Variants in LNX2 observed in about 807,000 individuals in gnomAD.
The protein encoded by LNX2 is ligand of Numb protein X 2.
A neutral mutation model predicts 66.2 loss-of-function variants in LNX2; 35 were observed. The ratio of observed to expected loss-of-function variants is 0.53; its 90% CI spans 0.40 to 0.70. The LOEUF (loss-of-function observed/expected upper bound fraction) is 0.70, where lower values mean the gene tolerates loss of function less well. Ranked by LOEUF, LNX2 falls within the 30% of genes least tolerant of loss-of-function variation. The pLI, the probability that LNX2 is intolerant of heterozygous loss-of-function variation, is 0.00. For synonymous variants in LNX2, 337 were observed against 315.6 expected, an observed-to-expected ratio of 1.07 and a Z score of -0.72; for missense variants, 791 against 850.8, an observed-to-expected ratio of 0.93 and a Z score of 0.87.
intron 7 of LNX2, among the ~76,000 whole-genome samples, chr13:27,554,850 A>T (rs148273900): frequency 4.6e-5 from 7 of 152,328 alleles, no homozygotes; most frequent in African/African-American, 7.2e-5. Context: ...TCCCACCAGC[A>T]ATTAATGAGG....
intron 8 of LNX2, 35 bp downstream of exon 8, chr13:27,553,173 T>C (rs1955024287): frequency 6.4e-7 from 1 of 1,553,598 alleles, no homozygotes; most frequent in Non-Finnish European, 8.9e-7. Context: ...AGCATGATTA[T>C]GATTTCCATA....
chr13:27,587,153 C>A (rs1955496149), intron 1 of LNX2, among the ~76,000 whole-genome samples: 1 of 152,168 alleles, frequency 6.6e-6, no homozygotes. Context: ...GAAGGTTAGA[C>A]AGGAAGCATC....
chr13:27,554,356 C>T (rs764830948), intron 7 of LNX2, among the ~76,000 whole-genome samples: 1 of 152,194 alleles, frequency 6.6e-6, no homozygotes, highest in Admixed American at 6.5e-5. Context: ...ATCATCACTA[C>T]AGTAATTTTG....
intron 1 of LNX2, among the ~76,000 whole-genome samples, chr13:27,585,108 G>A (rs1394517167): frequency 1.4e-5 from 2 of 146,536 alleles, no homozygotes; most frequent in East Asian, 2.0e-4. Flanking sequence ...GTGACAGGGT[G>A]AGACTCGGTC....
chr13:27,597,265 A>C (rs1321483179), intron 1 of LNX2, among the ~76,000 whole-genome samples: 2 of 152,220 alleles, frequency 1.3e-5, no homozygotes, highest in African/African-American at 2.4e-5. Context: ...GGAGAGGCAG[A>C]CATCCAATAT....
At chr13:27,579,960 T>G (rs1462669956) in intron 2 of LNX2, among the ~76,000 whole-genome samples, 4 of 152,218 alleles carry the variant, frequency 2.6e-5, no homozygotes, top group African/African-American at 9.6e-5. Flanking sequence ...CTGTCTATCC[T>G]ACTCTATCTT....
chr13:27,614,908 T>A (rs1049727164), intron 1 of LNX2, among the ~76,000 whole-genome samples: 6 of 152,150 alleles, frequency 3.9e-5, no homozygotes, highest in Admixed American at 2.6e-4. Context: ...CCTTGGAAAC[T>A]GAGAGGAAAT....
chr13:27,576,456 C>T (rs1955340976), intron 2 of LNX2, among the ~76,000 whole-genome samples: 1 of 152,078 alleles, frequency 6.6e-6, no homozygotes, highest in South Asian at 2.1e-4. Flanking sequence ...GTGGCTCACG[C>T]CTGTAATCCT....
At chr13:27,578,021 T>C (rs1267341481) in intron 2 of LNX2, among the ~76,000 whole-genome samples, 1 of 151,832 alleles carries the variant, frequency 6.6e-6, no homozygotes, top group Admixed American at 6.5e-5. Context: ...AAATTCTTCA[T>C]TTCACTAATA....
Position 27,593,734 on chromosome 13 carries a change from T to G in LNX2, c.-100-11931A>C, listed in dbSNP as rs539084978. On this transcript the variant is annotated intron_variant, in intron 1 of 9. Transcript: ENST00000316334. ...AGGCGCCCACCACCACGCCTGGTTT[T>G]TGTGTGTGTGTGTGTGTGTGTTCTT... Among the ~76,000 whole-genome samples, 195 of 143,928 alleles carry G rather than the reference T, an allele frequency of 1.4e-3. 1 individual carries two copies. Among genetic ancestry groups the G allele is most frequent in the African/African-American group, 4.3e-3 (165 of 38,388 alleles). 94.4% of individuals were successfully genotyped at this position (143,928 alleles called of 152,430 possible).
At position 27,590,111 on chromosome 13, in the gene LNX2, G is replaced by A. The variant is rs181986277; in HGVS notation, c.-100-8308C>T. Reference sequence around the variant, plus strand: ...ATTACAGGCGCCCACCACCACCCCCGGCTAATTTTTTTGTATTTTTAGTAG... The same window carrying A: ...ATTACAGGCGCCCACCACCACCCCCAGCTAATTTTTTTGTATTTTTAGTAG... On this transcript the variant is annotated intron_variant, in intron 1 of 9. Transcript: ENST00000316334. 1.4e-4 allele frequency among the ~76,000 whole-genome samples: 21 copies of A among 151,960 alleles called. No homozygotes were observed. The East Asian group carries it at 1.7e-3, about 13-fold the overall frequency.
Position 27,546,512 on chromosome 13 carries a change from G to A in LNX2, c.*1823C>T, listed in dbSNP as rs1236074459. On this transcript the variant is annotated 3_prime_UTR_variant, in exon 10 of 10. Coordinates refer to ENST00000316334, the MANE Select transcript of LNX2 (RefSeq NM_153371.4). ...TGTTGATCATACAGTGTAACTAAGG[G>A]GTTGAACAAGTCAGTAGCAATGATT... The A allele has an allele frequency of 6.6e-6, 1 of 152,118 alleles. No homozygotes were observed. The highest frequency in any genetic ancestry group is 1.5e-5 in the Non-Finnish European group (1 of 68,022). 9.4% of individuals were successfully genotyped at this position (152,118 alleles called of 1,614,324 possible). A position where few individuals can be genotyped will look rare whatever the true frequency, so the allele number is the denominator to read the frequency against.
At chr13:27,591,175 T>C (rs973685866) in intron 1 of LNX2, among the ~76,000 whole-genome samples, 3 of 152,246 alleles carry the variant, frequency 2.0e-5, no homozygotes, top group Admixed American at 6.5e-5. Context: ...ATGATTCCCA[T>C]GTGCTGACAC....
intron 1 of LNX2, among the ~76,000 whole-genome samples, chr13:27,603,547 C>G (rs1955681246): frequency 1.3e-5 from 2 of 152,202 alleles, no homozygotes; most frequent in African/African-American, 2.4e-5. Flanking sequence ...CAGCAGGTGA[C>G]AGTCCACATC....
intron 6 of LNX2, among the ~76,000 whole-genome samples, chr13:27,557,632 T>G (rs1352748323): frequency 6.6e-6 from 1 of 152,030 alleles, no homozygotes. Flanking sequence ...CATTAGAGAA[T>G]TGACATGTAT....
Position 27,547,844 on chromosome 13 carries a change from A to G in LNX2, c.*491T>C, listed in dbSNP as rs1349629213. 1 of 155,092 alleles carries G rather than the reference A, an allele frequency of 6.4e-6. No homozygotes were observed. The highest frequency in any genetic ancestry group is 1.9e-4 in the East Asian group (1 of 5,256). The allele number at this position is 155,092 out of a possible 1,614,324, so 9.6% of individuals were successfully genotyped here. The stretch of plus-strand genomic sequence containing the variant: ...GCACTCCAGCCTGGGTGAGAGTGAG[A>G]CTGTGGTTCAAAAAAAAATGGGGAA... On this transcript the variant is annotated 3_prime_UTR_variant, in exon 10 of 10. Coordinates refer to ENST00000316334, the MANE Select transcript of LNX2 (RefSeq NM_153371.4).
At position 27,581,783 on chromosome 13, in the gene LNX2, C is replaced by G. The variant is rs11617897; in HGVS notation, c.-80G>C. 83,742 of 1,238,050 alleles carry G rather than the reference C, an allele frequency of 0.068. 3,221 individuals are homozygous for G. Among genetic ancestry groups the G allele is most frequent in the South Asian group, 0.14 (8,583 of 59,454 alleles). 76.7% of individuals were successfully genotyped at this position (1,238,050 alleles called of 1,614,324 possible). On this transcript the variant is annotated 5_prime_UTR_variant, in exon 2 of 10. Coordinates refer to ENST00000316334, the MANE Select transcript of LNX2 (RefSeq NM_153371.4). ...CTTTAACAGACAGTGATGTATCTGACTAAAGTCAAGGTGTGTTTTTCTAGA... is the reference window on the plus strand; with the variant it reads ...CTTTAACAGACAGTGATGTATCTGAGTAAAGTCAAGGTGTGTTTTTCTAGA...
In LNX2 at chr13:27,556,336, G is replaced by T; in HGVS notation, c.1446C>A (p.Thr482=). Residue 482 remains threonine (T), a synonymous_variant, in exon 7 of 10, where the codon ACC becomes ACA. Transcript: ENST00000316334. ...KKEPHESLGM[T]VAGGRGSKSG... ...TCTTACTTCCCCTGCCCCCAGCAACGGTCATGCCAAGGGATTCATGTGGTT... is the reference window on the plus strand; with the variant it reads ...TCTTACTTCCCCTGCCCCCAGCAACTGTCATGCCAAGGGATTCATGTGGTT... 6.2e-7 allele frequency: 1 copy of T among 1,613,922 alleles called. No homozygotes were observed. Among genetic ancestry groups the T allele is most frequent in the Non-Finnish European group, 8.5e-7 (1 of 1,179,960 alleles).
intron 8 of LNX2, 99 bp from the exon 9 acceptor site, chr13:27,550,590 T>C: frequency 1.2e-6 from 1 of 839,984 alleles, no homozygotes; most frequent in Non-Finnish European, 1.8e-6. Context: ...TTACCACTCT[T>C]GGAAAAAAGA....
Sources: allele counts gnomAD v4.1 joint callset (sites outside exome capture counted in the v4.1 genomes callset), GRCh38; gene constraint gnomAD v4.1.1; transcripts MANE v1.5; gene names NCBI Gene and HGNC (gene_info 2026-07-23, HGNC 2026-07-21).